LARGE1: variants seen among roughly 807,000 people sequenced by gnomAD.
LARGE1 encodes xylosyl- and glucuronyltransferase LARGE1.
Under a neutral mutation model 87.6 loss-of-function variants are expected in LARGE1, and 43 were observed. The ratio of observed to expected loss-of-function variants is 0.49; its 90% CI spans 0.38 to 0.63. The LOEUF (loss-of-function observed/expected upper bound fraction) is 0.63, where lower values mean the gene tolerates loss of function less well. LARGE1 is among the 30% of genes least tolerant of loss of function. The probability of loss-of-function intolerance (pLI) is 0.00; values close to 1 mark genes in which losing one functional copy is unlikely to be tolerated. For synonymous variants in LARGE1, 434 were observed against 394.6 expected (o/e 1.10, Z -1.18); for missense variants, 802 against 1,000.2 (o/e 0.80, Z 2.67).
At chr22:33,842,576 A>C (rs2063310699) in intron 1 of LARGE1, among the ~76,000 whole-genome samples, 1 of 152,174 alleles carries the variant, frequency 6.6e-6, no homozygotes. Flanking sequence ...AAACGAAGCA[A>C]GCCACTCCAA....
intron 6 of LARGE1, among the ~76,000 whole-genome samples, chr22:33,444,875 G>C (rs1246684875): frequency 6.6e-6 from 1 of 152,114 alleles, no homozygotes; most frequent in Non-Finnish European, 1.5e-5. Context: ...TGTCACCTAG[G>C]CTGGAGTGCA....
chr22:33,453,169 C>A (rs528370112), intron 6 of LARGE1, among the ~76,000 whole-genome samples: 2 of 152,328 alleles, frequency 1.3e-5, no homozygotes, highest in South Asian at 4.1e-4. Flanking sequence ...GTAATCCCAG[C>A]ACTTTGGGAG....
At chr22:33,409,860 CAA>C (rs35645500) in intron 7 of LARGE1, among the ~76,000 whole-genome samples, 24 of 63,092 alleles carry the variant, frequency 3.8e-4, no homozygotes, top group Middle Eastern at 0.011. Flanking sequence ...GACTCCATCT[CAA>C]AAAAAAAAAA....
At position 33,728,075 on chromosome 22, in the gene LARGE1, G is replaced by A. The variant is rs76045267; in HGVS notation, c.106+33296C>T. On this transcript the variant is annotated intron_variant, in intron 2 of 14. Transcript: ENST00000397394. ...CTGATCCAGCAATGTCTTGCTCAAA[G>A]CCCTTGAAATGACTTCACATCAACT... Among the ~76,000 whole-genome samples, 569 of 152,254 alleles carry A rather than the reference G, an allele frequency of 3.7e-3. 1 individual carries two copies. The highest frequency in any genetic ancestry group is 0.013 in the African/African-American group (540 of 41,556).
intron 4 of LARGE1, among the ~76,000 whole-genome samples, chr22:33,624,803 A>T (rs2079871088): frequency 6.6e-6 from 1 of 152,188 alleles, no homozygotes; most frequent in Non-Finnish European, 1.5e-5. Context: ...TGAAGAGTAG[A>T]AACTGGGGAA....
At chr22:33,067,558 T>C in the LARGE1 span, among the ~76,000 whole-genome samples, 22 of 152,316 alleles carry the variant, frequency 1.4e-4, no homozygotes, top group East Asian at 3.9e-3. Context: ...ATTTTAAAGA[T>C]AGAGATGTAT....
intron 1 of LARGE1, among the ~76,000 whole-genome samples, chr22:33,806,452 G>A (rs1300720887): frequency 3.3e-5 from 5 of 152,166 alleles, no homozygotes; most frequent in African/African-American, 1.2e-4. Context: ...ATCTTCTGCA[G>A]GAACAACTCT....
intron 2 of LARGE1, chr22:33,704,640 C>T (rs1358713787): frequency 6.6e-6 from 1 of 152,292 alleles, no homozygotes; most frequent in Admixed American, 6.5e-5. Flanking sequence ...TCCCTACCTA[C>T]CTCCGCCCAA....
At chr22:33,806,262 C>A (rs1222349885) in intron 1 of LARGE1, among the ~76,000 whole-genome samples, 2 of 152,192 alleles carry the variant, frequency 1.3e-5, no homozygotes, top group Non-Finnish European at 2.9e-5. Flanking sequence ...AACAGTTTTG[C>A]AAGCTTCATG....
intron 11 of LARGE1, among the ~76,000 whole-genome samples, chr22:33,193,088 GTGTGTA>G (rs1399306954): frequency 6.6e-6 from 1 of 151,992 alleles, no homozygotes; most frequent in Non-Finnish European, 1.5e-5. Context: ...TGATGTGTGT[GTGTGTA>G]TGTGTATGTG....
chr22:33,142,009 T>C, the LARGE1 span, among the ~76,000 whole-genome samples: 3 of 151,716 alleles, frequency 2.0e-5, no homozygotes, highest in East Asian at 1.9e-4. Context: ...CTCTTACAGC[T>C]CAAAATTACT....
At chr22:33,349,179 C>T (rs1337538985) in intron 9 of LARGE1, among the ~76,000 whole-genome samples, 2 of 152,130 alleles carry the variant, frequency 1.3e-5, no homozygotes, top group South Asian at 4.1e-4. Flanking sequence ...GGTTCTCAGG[C>T]CTTCAGACTC....
At chr22:33,462,526 T>C (rs1377398751) in intron 6 of LARGE1, among the ~76,000 whole-genome samples, 1 of 152,220 alleles carries the variant, frequency 6.6e-6, no homozygotes, top group Non-Finnish European at 1.5e-5. Context: ...CTCAGGCCTG[T>C]AATCCCAGCA....
the LARGE1 span, among the ~76,000 whole-genome samples, chr22:33,111,579 GTCCAGAC>G: frequency 1.3e-5 from 2 of 151,984 alleles, no homozygotes; most frequent in African/African-American, 2.4e-5. Context: ...AATTCCCCCC[GTCCAGAC>G]TCATTTATCT....
intron 7 of LARGE1, among the ~76,000 whole-genome samples, chr22:33,394,880 G>A (rs2065670957): frequency 6.6e-6 from 1 of 152,034 alleles, no homozygotes; most frequent in Non-Finnish European, 1.5e-5. Flanking sequence ...AAGACCACAG[G>A]CCATAAGCAG....
At chr22:33,175,741 A>G (rs921031746) in intron 11 of LARGE1, among the ~76,000 whole-genome samples, 5 of 152,214 alleles carry the variant, frequency 3.3e-5, no homozygotes, top group South Asian at 2.1e-4. Flanking sequence ...AAAGTAATAT[A>G]TAGATTCAAT....
chr22:33,575,251 A>C (rs2078320429), intron 5 of LARGE1, among the ~76,000 whole-genome samples: 1 of 152,234 alleles, frequency 6.6e-6, no homozygotes, highest in African/African-American at 2.4e-5. Context: ...TTCAGAAACA[A>C]GTCATAAGAT....
At chr22:33,463,734 G>A (rs187459212) in intron 6 of LARGE1, among the ~76,000 whole-genome samples, 115 of 152,150 alleles carry the variant, frequency 7.6e-4, no homozygotes, top group East Asian at 7.3e-3. Flanking sequence ...GTGCCGTGGC[G>A]CAACCTCGGC....
intron 5 of LARGE1, among the ~76,000 whole-genome samples, chr22:33,600,039 C>G (rs998796316): frequency 6.6e-6 from 1 of 152,130 alleles, no homozygotes; most frequent in African/African-American, 2.4e-5. Flanking sequence ...GGTGGGCAAA[C>G]TCCTGGCTAC....
Sources: gnomAD v4.1 joint callset for allele counts (sites outside exome capture counted in the v4.1 genomes callset) on GRCh38, gnomAD v4.1.1 for gene constraint, MANE v1.5 for transcripts, NCBI Gene and HGNC (gene_info 2026-07-23, HGNC 2026-07-21) for gene names.